The following GALNT17 variants were observed in gnomAD, a reference collection of about 807,000 sequenced individuals.
GALNT17 encodes UDP-GalNAc:polypeptide N-acetylgalactosaminyltransferase-like 3.
In GALNT17, 29 loss-of-function variants were observed where a neutral mutation model predicts 63.7. The ratio of observed to expected loss-of-function variants is 0.46; its 90% CI spans 0.34 to 0.62. The LOEUF is 0.62. Among genes scored for constraint, GALNT17 ranks in the 20% least tolerant of loss-of-function variants. GALNT17 has a pLI of 0.01. For synonymous variants in GALNT17, 305 were observed against 318.3 expected (o/e 0.96, Z 0.45); for missense variants, 603 against 799.6 (o/e 0.75, Z 2.97).
At chr7:71,153,747 T>C (rs1747425132) in intron 1 of GALNT17, among the ~76,000 whole-genome samples, 1 of 151,918 alleles carries the variant, frequency 6.6e-6, no homozygotes, top group African/African-American at 2.4e-5. Context: ...TGAAACCCAG[T>C]CTCTACTAAA....
Position 71,415,904 on chromosome 7 carries a change from C to T in GALNT17, c.605C>T (p.Pro202Leu), listed in dbSNP as rs866406124. 1.9e-6 allele frequency: 3 copies of T among 1,609,228 alleles called. No homozygotes were observed. The highest frequency in any genetic ancestry group is 2.5e-6 in the Non-Finnish European group (3 of 1,177,820). ...TCATTTGCAGAGGAGCTGAAGGTCC[C>T]CCTAGAGGAGTATGTCCACAAACGC... is the stretch of plus-strand genomic sequence containing the variant. ...DNSDEEELKV[P>L]LEEYVHKRYP... The change falls in exon 4 of 11, where the codon CCC becomes CTC. Residue 202 changes from proline to leucine, a missense_variant. Physicochemically the swap from Pro to Leu is moderately conservative, Grantham distance 98 (BLOSUM62 -3). Around this residue, in one of 3 missense-constraint regions of GALNT17, gnomAD observed 336 missense variants for 507.8 expected, o/e 0.66. Transcript: ENST00000333538.
intron 2 of GALNT17, among the ~76,000 whole-genome samples, chr7:71,378,832 A>T (rs1792791596): frequency 6.6e-6 from 1 of 151,548 alleles, no homozygotes; most frequent in East Asian, 1.9e-4. Flanking sequence ...AAAAAAAAAT[A>T]AATAAATAAA....
intron 5 of GALNT17, among the ~76,000 whole-genome samples, chr7:71,496,955 G>A (rs1222674935): frequency 2.0e-5 from 3 of 151,938 alleles, no homozygotes; most frequent in African/African-American, 7.3e-5. Context: ...GCATGCACCT[G>A]TAGTCCCAGC....
rs536679840 is a variant in GALNT17, at chr7:71,270,272, A to C, written c.239-65278A>C. Among the ~76,000 whole-genome samples the C allele has an allele frequency of 5.3e-5, 8 of 152,166 alleles. No homozygotes were observed. The East Asian group carries it at 1.4e-3, about 26-fold the overall frequency. On this transcript the variant is annotated intron_variant, in intron 1 of 10. Transcript: ENST00000333538. ...CACTCTCCCCCCTTGTATCTCCTCTATCTCTCAATTTTTTATTATAGAATG... is the reference window on the plus strand; with the variant it reads ...CACTCTCCCCCCTTGTATCTCCTCTCTCTCTCAATTTTTTATTATAGAATG...
chr7:71,316,244 ATC>A (rs1269641556), intron 1 of GALNT17, among the ~76,000 whole-genome samples: 34 of 129,454 alleles, frequency 2.6e-4, no homozygotes, highest in Non-Finnish European at 5.5e-4. Context: ...CAGGATCCTG[ATC>A]TGTGGGTCTG....
intron 1 of GALNT17, among the ~76,000 whole-genome samples, chr7:71,135,486 C>T (rs1787768622): frequency 6.6e-6 from 1 of 152,150 alleles, no homozygotes; most frequent in Admixed American, 6.6e-5. Flanking sequence ...CACAGTCACC[C>T]AGCTAGTGAG....
intron 1 of GALNT17, among the ~76,000 whole-genome samples, chr7:71,224,851 G>T (rs1789652163): frequency 6.6e-6 from 1 of 152,166 alleles, no homozygotes; most frequent in Non-Finnish European, 1.5e-5. Context: ...TTGAGTTTCT[G>T]TTGTAGGAAG....
At chr7:71,142,268 A>T (rs1787911349) in intron 1 of GALNT17, among the ~76,000 whole-genome samples, 1 of 151,462 alleles carries the variant, frequency 6.6e-6, no homozygotes, top group African/African-American at 2.5e-5. Flanking sequence ...AGACGAGGTG[A>T]GAGGGGGTCC....
intron 6 of GALNT17, among the ~76,000 whole-genome samples, chr7:71,591,971 A>T (rs923095820): frequency 6.6e-6 from 1 of 152,158 alleles, no homozygotes; most frequent in African/African-American, 2.4e-5. Context: ...CCGAAATGTC[A>T]TTGTTTTATT....
At chr7:71,205,906 A>G (rs1244392507) in intron 1 of GALNT17, among the ~76,000 whole-genome samples, 6 of 151,990 alleles carry the variant, frequency 3.9e-5, no homozygotes, top group Admixed American at 3.9e-4. Flanking sequence ...ATGATAGATT[A>G]TACAGTAACA....
Position 71,293,676 on chromosome 7 carries a change from C to T in GALNT17, c.239-41874C>T, listed in dbSNP as rs149881712. On this transcript the variant is annotated intron_variant, in intron 1 of 10. Transcript: ENST00000333538. ...GTTTGTCTGAGGAGGACTTAATCTC[C>T]CCAACATTTTAAAAGGATAGCTTTG... Among the ~76,000 whole-genome samples the T allele has an allele frequency of 8.1e-4, 123 of 152,156 alleles. 1 individual carries two copies. The highest frequency in any genetic ancestry group is 1.0e-3 in the South Asian group (5 of 4,802).
intron 5 of GALNT17, among the ~76,000 whole-genome samples, chr7:71,442,076 G>A (rs1375755467): frequency 1.3e-5 from 2 of 152,096 alleles, no homozygotes; most frequent in African/African-American, 4.8e-5. Context: ...TTCCACAATG[G>A]TTGAACTGAT....
intron 9 of GALNT17, among the ~76,000 whole-genome samples, chr7:71,691,920 T>C (rs1194590735): frequency 3.3e-5 from 5 of 151,888 alleles, no homozygotes; most frequent in Admixed American, 1.3e-4. Context: ...CTCTTTCTTT[T>C]TTTCTTTTTT....
intron 1 of GALNT17, among the ~76,000 whole-genome samples, chr7:71,283,316 C>T (rs1209048043): frequency 6.6e-6 from 1 of 152,160 alleles, no homozygotes; most frequent in African/African-American, 2.4e-5. Context: ...CAGGCATGAA[C>T]CACTGTGCCC....
chr7:71,323,607 A>G (rs1365121802), intron 1 of GALNT17, among the ~76,000 whole-genome samples: 1 of 152,250 alleles, frequency 6.6e-6, no homozygotes, highest in Non-Finnish European at 1.5e-5. Context: ...ACAAATATCA[A>G]GATCATCGTA....
chr7:71,164,591 C>T (rs1321962955), intron 1 of GALNT17, among the ~76,000 whole-genome samples: 1 of 152,174 alleles, frequency 6.6e-6, no homozygotes, highest in Non-Finnish European at 1.5e-5. Context: ...AGGAAGTGCA[C>T]TTAAGTGGGA....
At chr7:71,325,701 A>G (rs186933845) in intron 1 of GALNT17, among the ~76,000 whole-genome samples, 3 of 152,154 alleles carry the variant, frequency 2.0e-5, no homozygotes, top group Non-Finnish European at 4.4e-5. Flanking sequence ...AACCACAGAC[A>G]TCGGCAGAGT....
intron 1 of GALNT17, among the ~76,000 whole-genome samples, chr7:71,157,045 C>G (rs577232907): frequency 6.6e-6 from 1 of 151,428 alleles, no homozygotes; most frequent in African/African-American, 2.4e-5. Context: ...TAGCTTTGGA[C>G]TCTTAGGCTC....
chr7:71,134,517 G>A (rs1293873068), intron 1 of GALNT17, among the ~76,000 whole-genome samples: 2 of 152,100 alleles, frequency 1.3e-5, no homozygotes, highest in Non-Finnish European at 1.5e-5. Context: ...GTGAAAGGAC[G>A]CTGCGGTCTT....
Sources: gnomAD v4.1 joint callset for allele counts (sites outside exome capture counted in the v4.1 genomes callset) on GRCh38, gnomAD v4.1.1 for gene constraint, gnomAD v4.1.1 regional missense constraint, MANE v1.5 for transcripts, NCBI Gene and HGNC (gene_info 2026-07-23, HGNC 2026-07-21) for gene names.